Variants in INPP5A observed in about 807,000 individuals in gnomAD.
INPP5A encodes 43 kDa inositol polyphosphate 5-phophatase.
In INPP5A, 14 loss-of-function variants were observed where a neutral mutation model predicts 65.2. That is an observed-to-expected ratio of 0.21 (90% CI 0.14 to 0.34). The LOEUF is 0.34. INPP5A is among the 10% of genes least tolerant of loss of function. INPP5A has a pLI of 1.00. For missense variants in INPP5A, 431 were observed against 545.6 expected (o/e 0.79, Z 2.09); for synonymous variants, 207 against 208.3 (o/e 0.99, Z 0.05).
intron 4 of INPP5A, among the ~76,000 whole-genome samples, chr10:132,669,787 G>A (rs1213881066): frequency 6.6e-6 from 1 of 152,044 alleles, no homozygotes; most frequent in Non-Finnish European, 1.5e-5. Context: ...TTTGGCGTGA[G>A]CGTGGACCTG....
intron 1 of INPP5A, among the ~76,000 whole-genome samples, chr10:132,590,662 G>C (rs948963805): frequency 6.6e-6 from 1 of 152,206 alleles, no homozygotes; most frequent in Non-Finnish European, 1.5e-5. Context: ...AGACAGCCTC[G>C]GTAGCGTTGA....
chr10:132,599,416 A>T (rs1451167698), intron 1 of INPP5A, among the ~76,000 whole-genome samples: 22 of 152,228 alleles, frequency 1.4e-4, no homozygotes, highest in Admixed American at 1.4e-3. Context: ...TCTCACATCT[A>T]GGTCACACTG....
At chr10:132,774,572 C>G (rs1321861969) in intron 12 of INPP5A, among the ~76,000 whole-genome samples, 1 of 152,206 alleles carries the variant, frequency 6.6e-6, no homozygotes, top group Admixed American at 6.5e-5. Flanking sequence ...TGGGGTCCTC[C>G]CAGGCCCGTT....
chr10:132,735,226 G>A (rs1471104569), intron 9 of INPP5A, among the ~76,000 whole-genome samples: 2 of 152,178 alleles, frequency 1.3e-5, no homozygotes, highest in African/African-American at 4.8e-5. Flanking sequence ...CTTGGGAGCC[G>A]GAAAAGGCCA....
chr10:132,640,704 C>T (rs938650493), intron 2 of INPP5A, among the ~76,000 whole-genome samples: 5 of 152,248 alleles, frequency 3.3e-5, no homozygotes, highest in South Asian at 2.1e-4. Context: ...ATGGCAAAAC[C>T]GGAGCCCCTG....
intron 6 of INPP5A, among the ~76,000 whole-genome samples, chr10:132,700,078 C>G (rs568159991): frequency 6.6e-6 from 1 of 152,320 alleles, no homozygotes; most frequent in Admixed American, 6.5e-5. Context: ...GCCCCTCCCC[C>G]AGGAAGAGCA....
At chr10:132,638,631 A>G (rs1438336082) in intron 2 of INPP5A, among the ~76,000 whole-genome samples, 1 of 152,144 alleles carries the variant, frequency 6.6e-6, no homozygotes, top group African/African-American at 2.4e-5. Flanking sequence ...GCAGTGGCAC[A>G]ATCTCGGAGC....
At chr10:132,712,249 CAATTATGTATGT>C (rs1845650406) in intron 8 of INPP5A, among the ~76,000 whole-genome samples, 1 of 151,654 alleles carries the variant, frequency 6.6e-6, no homozygotes, top group Non-Finnish European at 1.5e-5. Context: ...TGTGTGCATG[CAATTATGTATGT>C]AATTGTGTGT....
rs2134634125 is a variant in INPP5A, at chr10:132,748,339, C to A, written c.733-1178C>A. 1.3e-5 allele frequency among the ~76,000 whole-genome samples: 2 copies of A among 152,360 alleles called. 1 individual carries two copies. Among genetic ancestry groups the A allele is most frequent in the African/African-American group, 4.8e-5 (2 of 41,572 alleles). ...ACCAGCGATGCAGAAACGCCGGTGC[C>A]TCTGCCCGCCATGAGCACGGGCCCT... On this transcript the variant is annotated intron_variant, in intron 9 of 15. Coordinates refer to ENST00000368594, the MANE Select transcript of INPP5A (RefSeq NM_005539.5).
In INPP5A at chr10:132,777,683, T is replaced by G. The variant is rs200519880; in HGVS notation, c.990T>G (p.Ser330Arg). Reference protein sequence around the residue: ...DISFPPSYPYSEDARQGEQYM... With the variant: ...DISFPPSYPYREDARQGEQYM... ...CATGTCTCCCCAGCTACCCGTACAG[T>G]GAGGACGCCCGCCAGGGTGAGCAGT... Residue 330 changes from serine (S) to arginine (R), a missense_variant, in exon 13 of 16, where the codon AGT (serine) becomes AGG (arginine). Ser to Arg is a moderately radical substitution (Grantham distance 110). Transcript: ENST00000368594. 1 of 1,612,768 alleles carries G rather than the reference T, an allele frequency of 6.2e-7. No homozygotes were observed. The highest frequency in any genetic ancestry group is 1.3e-5 in the African/African-American group (1 of 75,034).
chr10:132,629,000 C>T (rs1387794750), intron 2 of INPP5A, among the ~76,000 whole-genome samples: 3 of 152,132 alleles, frequency 2.0e-5, no homozygotes, highest in Non-Finnish European at 2.9e-5. Context: ...CCTTCAGAAC[C>T]GGGTGTGTTT....
At chr10:132,639,481 G>GT (rs950737981) in intron 2 of INPP5A, among the ~76,000 whole-genome samples, 26 of 152,110 alleles carry the variant, frequency 1.7e-4, no homozygotes, top group African/African-American at 6.3e-4. Context: ...ATACATCTTT[G>GT]TTTTTCCTCA....
At chr10:132,638,594 A>G (rs551780623) in intron 2 of INPP5A, among the ~76,000 whole-genome samples, 12 of 152,218 alleles carry the variant, frequency 7.9e-5, no homozygotes, top group African/African-American at 2.6e-4. Flanking sequence ...TTGAGACAGA[A>G]TGTCGCTCTG....
chr10:132,593,400 T>TA (rs931752273), intron 1 of INPP5A, among the ~76,000 whole-genome samples: 8 of 152,140 alleles, frequency 5.3e-5, no homozygotes, highest in African/African-American at 1.7e-4. Context: ...TCAGTAAACT[T>TA]AAAAAAAATT....
chr10:132,593,200 C>G (rs2071640521), intron 1 of INPP5A, among the ~76,000 whole-genome samples: 1 of 152,204 alleles, frequency 6.6e-6, no homozygotes, highest in African/African-American at 2.4e-5. Flanking sequence ...TTATGTCTGC[C>G]TGACACTTTC....
intron 1 of INPP5A, among the ~76,000 whole-genome samples, chr10:132,544,756 C>G (rs565049420): frequency 5.1e-4 from 78 of 152,308 alleles, no homozygotes; most frequent in African/African-American, 1.8e-3. Context: ...CCCTCCGGCC[C>G]TGGCATTTGG....
At chr10:132,617,869 C>T (rs1028791178) in intron 2 of INPP5A, among the ~76,000 whole-genome samples, 1 of 152,244 alleles carries the variant, frequency 6.6e-6, no homozygotes, top group African/African-American at 2.4e-5. Flanking sequence ...GTGGGTCATC[C>T]ACAAGTGGGC....
At chr10:132,590,661 C>T (rs1470349421) in intron 1 of INPP5A, among the ~76,000 whole-genome samples, 7 of 152,220 alleles carry the variant, frequency 4.6e-5, no homozygotes, top group Admixed American at 3.9e-4. Context: ...CAGACAGCCT[C>T]GGTAGCGTTG....
intron 9 of INPP5A, among the ~76,000 whole-genome samples, chr10:132,735,181 A>G (rs12769533): frequency 0.19 from 29,422 of 152,160 alleles, 2,966 homozygotes; most frequent in Non-Finnish European, 0.23. Context: ...GAGATACCAC[A>G]TTCAGAGGCC....
Sources: allele counts gnomAD v4.1 joint callset (sites outside exome capture counted in the v4.1 genomes callset), GRCh38; gene constraint gnomAD v4.1.1; transcripts MANE v1.5; gene names NCBI Gene and HGNC (gene_info 2026-07-23, HGNC 2026-07-21).